The following SDK2 variants were observed in gnomAD, a reference collection of about 807,000 sequenced individuals.
The protein encoded by SDK2 is sidekick cell adhesion molecule 2, also known as protein sidekick-2.
SDK2 carries 105 observed loss-of-function variants against 253.9 expected under a neutral mutation model. The observed-to-expected ratio is 0.41, with a 90% confidence interval of 0.35 to 0.49. The LOEUF (loss-of-function observed/expected upper bound fraction) is 0.49, where lower values mean the gene tolerates loss of function less well. SDK2 is among the 20% of genes least tolerant of loss of function. SDK2 has a pLI of 0.06. For missense variants in SDK2, 2,608 were observed against 3,003.0 expected (o/e 0.87, Z 3.07); for synonymous variants, 1,249 against 1,234.9 (o/e 1.01, Z -0.24).
At chr17:73,422,026 T>A (rs8064700) in intron 15 of SDK2, among the ~76,000 whole-genome samples, 3,786 of 152,270 alleles carry the variant, frequency 0.025, 163 homozygotes, top group African/African-American at 0.085. Context: ...TGAGCCTTTT[T>A]GCTTGCACAG....
chr17:73,350,969 G>A (rs1000294296), intron 41 of SDK2, among the ~76,000 whole-genome samples, 179 bp from the exon 42 acceptor site: 21 of 152,160 alleles, frequency 1.4e-4, no homozygotes, highest in African/African-American at 4.1e-4. Context: ...CTGATCAGTC[G>A]GTAAAGGGCT....
chr17:73,415,440 C>A (rs986297067), intron 17 of SDK2, among the ~76,000 whole-genome samples: 1 of 144,282 alleles, frequency 6.9e-6, no homozygotes, highest in Non-Finnish European at 1.5e-5. Flanking sequence ...GCAGCCTTAA[C>A]TTCCCCAGGC....
chr17:73,552,901 C>T (rs1482866084), intron 1 of SDK2, among the ~76,000 whole-genome samples: 7 of 152,262 alleles, frequency 4.6e-5, no homozygotes, highest in African/African-American at 1.7e-4. Context: ...GAGCCTCTGG[C>T]TGGCGCTCAG....
At chr17:73,428,800 T>C (rs1015070970) in intron 12 of SDK2, among the ~76,000 whole-genome samples, 10 of 152,082 alleles carry the variant, frequency 6.6e-5, no homozygotes, top group Admixed American at 2.0e-4. Context: ...GGGTGGGAGC[T>C]GCTGGGGTGG....
Position 73,334,560 on chromosome 17 carries a change from T to C in SDK2, c.*4027A>G, listed in dbSNP as rs1216798455. 2 of 152,244 alleles carry C rather than the reference T, an allele frequency of 1.3e-5. No homozygotes were observed. The highest frequency in any genetic ancestry group is 2.9e-5 in the Non-Finnish European group (2 of 68,044). 9.4% of individuals were successfully genotyped at this position (152,244 alleles called of 1,614,324 possible). ...TCTTACAGACAGACACCTGCCATAATGAATACTCTCCCCATAATTTTTTGT... is the reference window on the plus strand; with the variant it reads ...TCTTACAGACAGACACCTGCCATAACGAATACTCTCCCCATAATTTTTTGT... On this transcript the variant is annotated 3_prime_UTR_variant, in exon 45 of 45. Coordinates refer to ENST00000392650, the MANE Select transcript of SDK2 (RefSeq NM_001144952.2).
At chr17:73,410,651 G>T (rs1476732790) in intron 18 of SDK2, among the ~76,000 whole-genome samples, 2 of 152,158 alleles carry the variant, frequency 1.3e-5, no homozygotes, top group Admixed American at 1.3e-4. Flanking sequence ...TGTGCTGCTT[G>T]CATGAAAGAT....
intron 8 of SDK2, among the ~76,000 whole-genome samples, chr17:73,436,268 A>G (rs34588747): frequency 0.21 from 31,051 of 149,524 alleles, 3,421 homozygotes; most frequent in East Asian, 0.35. Flanking sequence ...AGCCTGGCAC[A>G]TTGTTTTCAT....
rs80098662 is a variant in SDK2, at chr17:73,519,155, C to T, written c.65-11558G>A. ...CTCCAGTGTCTACCTCCTTGGTCAG[C>T]GATGGTGCCACCAGATGCAGGGCAC... On this transcript the variant is annotated intron_variant, in intron 1 of 44. Transcript: ENST00000392650. 6.8e-3 allele frequency: 1,042 copies of T among 152,378 alleles called. 24 individuals are homozygous for T. The East Asian group carries it at 0.087, about 13-fold the overall frequency. 9.4% of individuals were successfully genotyped at this position (152,378 alleles called of 1,614,324 possible).
intron 1 of SDK2, among the ~76,000 whole-genome samples, chr17:73,583,023 C>T (rs530422997): frequency 6.7e-4 from 102 of 152,290 alleles, no homozygotes; most frequent in Middle Eastern, 3.4e-3. Context: ...AGGACACTCA[C>T]CCCCTGCCTC....
At chr17:73,349,432 G>A (rs1346391063) in intron 43 of SDK2, among the ~76,000 whole-genome samples, 1 of 152,228 alleles carries the variant, frequency 6.6e-6, no homozygotes, top group Non-Finnish European at 1.5e-5. Context: ...CAATAGGGCT[G>A]AGGCTGGAGA....
At chr17:73,531,556 C>T (rs538185903) in intron 1 of SDK2, among the ~76,000 whole-genome samples, 1 of 152,298 alleles carries the variant, frequency 6.6e-6, no homozygotes, top group African/African-American at 2.4e-5. Flanking sequence ...ATTCCTTAAA[C>T]TGGCAAGCCA....
chr17:73,483,981 C>T (rs2063754912), intron 2 of SDK2, among the ~76,000 whole-genome samples: 1 of 151,794 alleles, frequency 6.6e-6, no homozygotes. Flanking sequence ...TTGAGGGAGG[C>T]AGTGTGGTTA....
intron 4 of SDK2, among the ~76,000 whole-genome samples, chr17:73,450,802 G>A (rs556754434): frequency 1.3e-5 from 2 of 152,302 alleles, no homozygotes; most frequent in African/African-American, 4.8e-5. Flanking sequence ...GGTCAAGGCC[G>A]GGGGTGTTGT....
In SDK2 at chr17:73,467,190, G is replaced by C. The variant is rs1285664490; in HGVS notation, c.331+4922C>G. 1.3e-5 allele frequency among the ~76,000 whole-genome samples: 2 copies of C among 152,044 alleles called. No homozygotes were observed. The highest frequency in any genetic ancestry group is 1.5e-5 in the Non-Finnish European group (1 of 68,012). Reference sequence around the variant, plus strand: ...TTTGGACATGGATTATTACAGCCCAGGGCTGTCCCTGATTCTGTCTGAACT... The same window carrying C: ...TTTGGACATGGATTATTACAGCCCACGGCTGTCCCTGATTCTGTCTGAACT... On this transcript the variant is annotated intron_variant, in intron 3 of 44. Coordinates refer to ENST00000392650, the MANE Select transcript of SDK2 (RefSeq NM_001144952.2). This position sits in a 1 kb window ranked among gnomAD's most constrained non-coding sequence, Gnocchi z 4.1.
chr17:73,509,180 G>A (rs1389253177), intron 1 of SDK2, among the ~76,000 whole-genome samples: 1 of 152,220 alleles, frequency 6.6e-6, no homozygotes, highest in African/African-American at 2.4e-5. Context: ...GCGGCGTGCG[G>A]TGGACAAGCG....
rs552929619 is a variant in SDK2 at position 73,536,970 on chromosome 17, G to A, written c.65-29373C>T. 4.6e-5 allele frequency among the ~76,000 whole-genome samples: 7 copies of A among 152,284 alleles called. No individual in the cohort carries two copies. In the South Asian group the frequency reaches 1.5e-3, roughly 32 times the overall value. On this transcript the variant is annotated intron_variant, in intron 1 of 44. Transcript: ENST00000392650. ...GGGAGGCCTTCCTCTAACCAGGTTG[G>A]AGGACCGCTGGGTGGAGGGGCAGGA...
chr17:73,381,191 C>T (rs1049308474), intron 33 of SDK2, among the ~76,000 whole-genome samples: 4 of 152,192 alleles, frequency 2.6e-5, no homozygotes, highest in African/African-American at 9.6e-5. Context: ...TGCACTGGCC[C>T]AAGGTGATGT....
chr17:73,343,998 T>C (rs1398095741), intron 44 of SDK2, among the ~76,000 whole-genome samples: 1 of 152,218 alleles, frequency 6.6e-6, no homozygotes, highest in African/African-American at 2.4e-5. Flanking sequence ...GCAGCGCATC[T>C]GTGCGGGGTG....
chr17:73,372,435 A>C (rs1471833535), intron 36 of SDK2, among the ~76,000 whole-genome samples: 1 of 152,190 alleles, frequency 6.6e-6, no homozygotes, highest in East Asian at 1.9e-4. Context: ...TCCTCAATCA[A>C]TATCTGCTGG....
Sources: allele counts gnomAD v4.1 joint callset (sites outside exome capture counted in the v4.1 genomes callset), GRCh38; gene constraint gnomAD v4.1.1; non-coding constraint Gnocchi (gnomAD v3.1); transcripts MANE v1.5; gene names NCBI Gene and HGNC (gene_info 2026-07-23, HGNC 2026-07-21).